TLL2: variants seen among roughly 807,000 people sequenced by gnomAD.
The protein encoded by TLL2 is tolloid like 2, also known as tolloid-like protein 2.
A neutral mutation model predicts 123.0 loss-of-function variants in TLL2; 106 were observed. The observed-to-expected ratio is 0.86, with a 90% CI of 0.74 to 1.01. TLL2 has a LOEUF of 1.01. TLL2 is among the 50% of genes least tolerant of loss of function. The probability of loss-of-function intolerance (pLI) is 0.00; values close to 1 mark genes in which losing one functional copy is unlikely to be tolerated. For synonymous variants in TLL2, 494 were observed against 516.8 expected (o/e 0.96, Z 0.60); for missense variants, 1,332 against 1,336.7 (o/e 1.00, Z 0.06).
chr10:96,405,955 G>A (rs565216520), intron 9 of TLL2, among the ~76,000 whole-genome samples: 1 of 152,296 alleles, frequency 6.6e-6, no homozygotes, highest in Admixed American at 6.5e-5. Context: ...GGGGAGCCCA[G>A]AGAAGGGGGG....
intron 3 of TLL2, among the ~76,000 whole-genome samples, chr10:96,441,351 G>T (rs920317635): frequency 6.6e-6 from 1 of 152,226 alleles, no homozygotes; most frequent in Non-Finnish European, 1.5e-5. Context: ...GCTAAGTAAA[G>T]GGGAGACTAG....
chr10:96,372,986 G>A (rs1053418995), intron 19 of TLL2: 3 of 151,894 alleles, frequency 2.0e-5, no homozygotes, highest in African/African-American at 4.8e-5. Context: ...CACCGTGCCC[G>A]GCCAAAATAT....
rs1273663312 is a variant in TLL2 at position 96,410,461 on chromosome 10, G to C, written c.1062C>G (p.Thr354=). The C allele has an allele frequency of 2.5e-6, 4 of 1,613,712 alleles. No individual in the cohort carries two copies. Among genetic ancestry groups the C allele is most frequent in the African/African-American group, 2.7e-5 (2 of 74,830 alleles). ...AAAAGTTTCCCGTTGTGTCCTGCAG[G>C]GTCTCCCCACACGCTGCACAAGCAA... ...KLYKCPACGE[T]LQDTTGNFSA... Residue 354 remains threonine (T), a synonymous_variant, in exon 9 of 21, where the codon ACC becomes ACG. Transcript: ENST00000357947.
chr10:96,390,934 T>C (rs186235226), intron 13 of TLL2, among the ~76,000 whole-genome samples: 3 of 152,384 alleles, frequency 2.0e-5, no homozygotes, highest in African/African-American at 4.8e-5. Context: ...ATTGTGTATA[T>C]TGATTACATA....
At chr10:96,503,101 G>A (rs1350173935) in intron 1 of TLL2, among the ~76,000 whole-genome samples, 1 of 152,110 alleles carries the variant, frequency 6.6e-6, no homozygotes, top group East Asian at 1.9e-4. Context: ...TGGTTTATGT[G>A]TCATCCTCTC....
Position 96,405,212 on chromosome 10 carries a change from G to GT in TLL2, c.1267+19_1267+20insA. 2 of 1,604,928 alleles carry GT rather than the reference G, an allele frequency of 1.2e-6. No individual in the cohort carries two copies. Among genetic ancestry groups the GT allele is most frequent in the Non-Finnish European group, 1.7e-6 (2 of 1,171,724 alleles). ...AACATCCCATCACTCCTCTCTTAACGGTGTCTAAAGTCAACTTACCCAAAA... is the reference window on the plus strand; with the variant it reads ...AACATCCCATCACTCCTCTCTTAACGTGTGTCTAAAGTCAACTTACCCAAAA... On this transcript the variant is annotated intron_variant, in intron 10 of 20. Transcript: ENST00000357947.
intron 3 of TLL2, 95 bp downstream of exon 3, chr10:96,445,996 G>T: frequency 8.0e-7 from 1 of 1,252,536 alleles, no homozygotes; most frequent in Non-Finnish European, 1.2e-6. Context: ...GCCACTAAAG[G>T]GTATGCTTTA....
chr10:96,395,303 T>C lies in TLL2; in HGVS notation c.1610A>G (p.His537Arg). ...GPTEESALIG[H>R]FCGYEKPEDV... Reference sequence around the variant, plus strand: ...CTCCGGCTTCTCATAGCCACAAAAGTGGCCGATCAGGGCACTCTCTTCCGT... The same window carrying C: ...CTCCGGCTTCTCATAGCCACAAAAGCGGCCGATCAGGGCACTCTCTTCCGT... Residue 537 changes from histidine (H) to arginine (R), a missense_variant, in exon 13 of 21, where the codon CAC becomes CGC. Coordinates refer to ENST00000357947, the MANE Select transcript of TLL2 (RefSeq NM_012465.4). 1.9e-6 allele frequency: 3 copies of C among 1,614,060 alleles called. No homozygotes were observed. The highest frequency in any genetic ancestry group is 2.5e-6 in the Non-Finnish European group (3 of 1,180,002).
intron 2 of TLL2, 38 bp downstream of exon 2, chr10:96,480,310 CT>C: frequency 6.4e-7 from 1 of 1,556,642 alleles, no homozygotes; most frequent in Non-Finnish European, 8.9e-7. Context: ...TCCCTCATCC[CT>C]CCCATCTGGG....
chr10:96,384,882 G>T, intron 15 of TLL2, 115 bp from the exon 16 acceptor site: 1 of 1,090,184 alleles, frequency 9.2e-7, no homozygotes, highest in Non-Finnish European at 1.3e-6. Flanking sequence ...GGCGGGGGAG[G>T]GTCCCTTGAC....
intron 8 of TLL2, among the ~76,000 whole-genome samples, chr10:96,411,208 A>C (rs542929432): frequency 6.1e-4 from 84 of 137,804 alleles, no homozygotes; most frequent in South Asian, 7.3e-4. Flanking sequence ...CCAAGATTGC[A>C]CTACTGCACT....
At chr10:96,387,113 T>C (rs953222930) in intron 13 of TLL2, 35 bp from the exon 14 acceptor site, 4 of 1,602,778 alleles carry the variant, frequency 2.5e-6, no homozygotes, top group African/African-American at 2.7e-5. Flanking sequence ...GGTTACATTG[T>C]CAGGAAGCCT....
chr10:96,460,396 G>A (rs934545993), intron 2 of TLL2, among the ~76,000 whole-genome samples: 1 of 152,182 alleles, frequency 6.6e-6, no homozygotes, highest in Non-Finnish European at 1.5e-5. Context: ...GGACCTTTGA[G>A]AGGTCATGAG....
chr10:96,473,048 G>GC (rs11433390), intron 2 of TLL2, among the ~76,000 whole-genome samples: 29,967 of 151,658 alleles, frequency 0.2, 3,243 homozygotes, highest in East Asian at 0.43. Flanking sequence ...GGTTCCATCA[G>GC]CCCCCCCCAA....
chr10:96,477,089 A>G (rs1847266373), intron 2 of TLL2, among the ~76,000 whole-genome samples: 1 of 151,076 alleles, frequency 6.6e-6, no homozygotes, highest in Middle Eastern at 3.4e-3. Context: ...AACAAAAACA[A>G]TAAAAAATAT....
rs1210296431 is a variant in TLL2 at position 96,384,661 on chromosome 10, C to T, written c.2120G>A (p.Ser707Asn). The change falls in exon 16 of 21, where the codon AGC (serine) becomes AAC (asparagine). Residue 707 changes from serine (S) to asparagine (N), a missense_variant. Transcript: ENST00000357947. ...CTTGAACTCCACGCGCATGTTGTTGCTCTGCGAGGTGATGACCTCCGGCGT... is the reference window on the plus strand; with the variant it reads ...CTTGAACTCCACGCGCATGTTGTTGTTCTGCGAGGTGATGACCTCCGGCGT... ...SETPEVITSQ[S>N]NNMRVEFKSD... The T allele has an allele frequency of 3.7e-6, 6 of 1,612,918 alleles. No homozygotes were observed. The highest frequency in any genetic ancestry group is 1.3e-5 in the African/African-American group (1 of 74,908).
At chr10:96,382,220 G>C (rs748796000) in intron 16 of TLL2, among the ~76,000 whole-genome samples, 1 of 152,192 alleles carries the variant, frequency 6.6e-6, no homozygotes, top group Non-Finnish European at 1.5e-5. Flanking sequence ...TAGTAGAGAC[G>C]GGGTTTCACC....
chr10:96,433,992 C>T (rs1416432443), intron 3 of TLL2, among the ~76,000 whole-genome samples: 5 of 152,150 alleles, frequency 3.3e-5, no homozygotes, highest in Non-Finnish European at 7.3e-5. Flanking sequence ...CCAGGCTGGT[C>T]TCGAACTCCT....
intron 1 of TLL2, among the ~76,000 whole-genome samples, chr10:96,505,286 AC>A (rs1321206319): frequency 6.6e-6 from 1 of 152,146 alleles, no homozygotes; most frequent in East Asian, 1.9e-4. Flanking sequence ...CATGAAGGAA[AC>A]CACCCCCATG....
Sources: gnomAD v4.1 joint callset for allele counts (sites outside exome capture counted in the v4.1 genomes callset) on GRCh38, gnomAD v4.1.1 for gene constraint, MANE v1.5 for transcripts, NCBI Gene and HGNC (gene_info 2026-07-23, HGNC 2026-07-21) for gene names.